Variants in CAPZA2 observed in about 807,000 individuals in gnomAD.
The protein encoded by CAPZA2 is capping actin protein of muscle Z-line subunit alpha 2, also known as F-actin-capping protein subunit alpha-2.
CAPZA2 carries 13 observed loss-of-function variants against 44.0 expected under a neutral mutation model. The ratio of observed to expected loss-of-function variants is 0.30; its 90% CI spans 0.19 to 0.47. The LOEUF (loss-of-function observed/expected upper bound fraction) is 0.47. Ranked by LOEUF, CAPZA2 falls within the 20% of genes least tolerant of loss-of-function variation. The probability of loss-of-function intolerance (pLI) is 1.00; values close to 1 mark genes in which losing one functional copy is unlikely to be tolerated. For missense variants in CAPZA2, 244 were observed against 338.6 expected (o/e 0.72, Z 2.19); for synonymous variants, 94 against 108.2 (o/e 0.87, Z 0.81).
chr7:116,876,291 A>AC (rs1796621206), intron 1 of CAPZA2: 1 of 151,054 alleles, frequency 6.6e-6, no homozygotes, highest in Admixed American at 6.6e-5. Context: ...AAGAGGTTTG[A>AC]CTGGCTCCTG....
intron 4 of CAPZA2, among the ~76,000 whole-genome samples, chr7:116,899,656 T>C (rs1417015700): frequency 2.3e-4 from 3 of 12,812 alleles, no homozygotes; most frequent in African/African-American, 1.1e-3. Flanking sequence ...CTGGGAAGAT[T>C]TGGGTTTTTT....
At position 116,921,436 on chromosome 7, in the gene CAPZA2, A is replaced by C. The variant is rs1391003450; in HGVS notation, c.*3569A>C. 1 of 152,032 alleles carries C rather than the reference A, an allele frequency of 6.6e-6. No individual in the cohort carries two copies. The highest frequency in any genetic ancestry group is 2.4e-5 in the African/African-American group (1 of 41,358). The allele number at this position is 152,032 out of a possible 1,614,324, so 9.4% of individuals were successfully genotyped here. A position where few individuals can be genotyped will look rare whatever the true frequency, so the allele number is the denominator to read the frequency against. ...GATGGCTCACGCCTATAATCCCAGC[A>C]CTTTGGGAGGCCACGGCAAGTGGAT... On this transcript the variant is annotated 3_prime_UTR_variant, in exon 10 of 10. Coordinates refer to ENST00000361183, the MANE Select transcript of CAPZA2 (RefSeq NM_006136.3).
intron 3 of CAPZA2, 136 bp from the exon 4 acceptor site, chr7:116,898,636 T>A: frequency 2.1e-6 from 1 of 486,574 alleles, no homozygotes; most frequent in Non-Finnish European, 3.6e-6. Context: ...AGTTCAGTAA[T>A]GGAGAATTAC....
At position 116,862,603 on chromosome 7, in the gene CAPZA2, A is replaced by G. The variant is rs1562954689; in HGVS notation, c.-9A>G. 6.5e-7 allele frequency: 1 copy of G among 1,537,988 alleles called. No individual in the cohort carries two copies. Among genetic ancestry groups the G allele is most frequent in the South Asian group, 1.2e-5 (1 of 83,294 alleles). On this transcript the variant is annotated 5_prime_UTR_variant, in exon 1 of 10. Coordinates refer to ENST00000361183, the MANE Select transcript of CAPZA2 (RefSeq NM_006136.3). ...GCCGCCGCCGCCGCGGTTTGTCGCC[A>G]GAAGGAAGATGGCGGATCTGGAGGA...
chr7:116,892,104 A>G (rs1796853658), intron 2 of CAPZA2, among the ~76,000 whole-genome samples: 2 of 152,146 alleles, frequency 1.3e-5, no homozygotes, highest in Non-Finnish European at 1.5e-5. Context: ...TTACAAATGT[A>G]TTTCCATGTT....
chr7:116,870,679 T>A (rs1013084438), intron 1 of CAPZA2, among the ~76,000 whole-genome samples: 1 of 152,162 alleles, frequency 6.6e-6, no homozygotes, highest in Non-Finnish European at 1.5e-5. Flanking sequence ...CTAGATAGAT[T>A]AGAGCTGGTA....
chr7:116,903,927 A>T (rs1465951288), intron 4 of CAPZA2, among the ~76,000 whole-genome samples: 1 of 151,916 alleles, frequency 6.6e-6, no homozygotes, highest in African/African-American at 2.4e-5. Flanking sequence ...TAGAGGTTGC[A>T]TTTTTTTTCA....
intron 1 of CAPZA2, chr7:116,880,034 C>G (rs1329427643): frequency 2.2e-6 from 1 of 460,568 alleles, no homozygotes; most frequent in Admixed American, 2.5e-5. Flanking sequence ...TAGGCAGTTT[C>G]TCCCGCTCTG....
chr7:116,916,701 A>G lies in CAPZA2; in HGVS notation c.720+579A>G, dbSNP rs1327414404. On this transcript the variant is annotated intron_variant, in intron 9 of 9. Coordinates refer to ENST00000361183, the MANE Select transcript of CAPZA2 (RefSeq NM_006136.3). ...AGTATCTCTGATCTGAGTTGCTTGG[A>G]ACCAGAAGTGTTTTAGATTTCAGAT... Among the ~76,000 whole-genome samples, 3 of 152,068 alleles carry G rather than the reference A, an allele frequency of 2.0e-5. No homozygotes were observed. In the East Asian group the frequency reaches 5.8e-4, roughly 29 times the overall value.
At chr7:116,867,215 T>C (rs2115864274) in intron 1 of CAPZA2, among the ~76,000 whole-genome samples, 1 of 152,366 alleles carries the variant, frequency 6.6e-6, no homozygotes, top group African/African-American at 2.4e-5. Context: ...ACAAACAGAA[T>C]GCAACTTGAT....
intron 1 of CAPZA2, among the ~76,000 whole-genome samples, chr7:116,883,691 G>A (rs1254276531): frequency 6.6e-6 from 1 of 152,078 alleles, no homozygotes; most frequent in Admixed American, 6.6e-5. Context: ...AACAGCAAGG[G>A]CAAATAAGTT....
intron 2 of CAPZA2, among the ~76,000 whole-genome samples, chr7:116,890,186 T>C (rs1426231263): frequency 2.0e-5 from 3 of 152,164 alleles, no homozygotes; most frequent in Non-Finnish European, 4.4e-5. Context: ...AAAGAATGTA[T>C]GCATCCTAGA....
At chr7:116,879,043 T>C (rs934437754) in intron 1 of CAPZA2, among the ~76,000 whole-genome samples, 1 of 147,438 alleles carries the variant, frequency 6.8e-6, no homozygotes, top group Non-Finnish European at 1.5e-5. Flanking sequence ...GGAGAATCAC[T>C]TGAACCCAGG....
chr7:116,888,462 G>T (rs1009762780), intron 2 of CAPZA2: 9 of 292,934 alleles, frequency 3.1e-5, no homozygotes, highest in African/African-American at 1.1e-4. Flanking sequence ...TGGGAAAGGA[G>T]AGTCTTTTTG....
At chr7:116,870,969 A>T (rs1379635090) in intron 1 of CAPZA2, among the ~76,000 whole-genome samples, 1 of 152,190 alleles carries the variant, frequency 6.6e-6, no homozygotes. Context: ...ACGGAGTTTG[A>T]GATGCTAGTC....
chr7:116,875,693 C>T (rs577596642), intron 1 of CAPZA2, among the ~76,000 whole-genome samples: 92 of 151,518 alleles, frequency 6.1e-4, no homozygotes, highest in Non-Finnish European at 1.2e-3. Flanking sequence ...ACCACAGGTG[C>T]TCACCATCAT....
At position 116,920,029 on chromosome 7, in the gene CAPZA2, G is replaced by A. The variant is rs1791745305; in HGVS notation, c.*2162G>A. 1 of 151,766 alleles carries A rather than the reference G, an allele frequency of 6.6e-6. No homozygotes were observed. Among genetic ancestry groups the A allele is most frequent in the Non-Finnish European group, 1.5e-5 (1 of 67,984 alleles). 9.4% of individuals were successfully genotyped at this position (151,766 alleles called of 1,614,324 possible). A position where few individuals can be genotyped will look rare whatever the true frequency, so the allele number is the denominator to read the frequency against. ...GGAGGCCGAGGCGGGTGGATCACGA[G>A]GTCAGGAGTTCGAGACCAGCCTGAC... On this transcript the variant is annotated 3_prime_UTR_variant, in exon 10 of 10. Coordinates refer to ENST00000361183, the MANE Select transcript of CAPZA2 (RefSeq NM_006136.3).
intron 1 of CAPZA2, among the ~76,000 whole-genome samples, chr7:116,865,418 T>C (rs1042440684): frequency 2.0e-5 from 3 of 152,078 alleles, no homozygotes; most frequent in African/African-American, 7.2e-5. Context: ...ACTCCTGACC[T>C]CAGGTGATCC....
chr7:116,919,826 C>G lies in CAPZA2; in HGVS notation c.*1959C>G, dbSNP rs901507683. The G allele has an allele frequency of 5.3e-5, 8 of 151,632 alleles. No individual in the cohort carries two copies. Among genetic ancestry groups the G allele is most frequent in the African/African-American group, 1.9e-4 (8 of 41,336 alleles). 9.4% of individuals were successfully genotyped at this position (151,632 alleles called of 1,614,324 possible). A position where few individuals can be genotyped will look rare whatever the true frequency, so the allele number is the denominator to read the frequency against. ...CTCGCAGTGAGCCGAGATCGCGCCACTGCACTCCAGCCTGGGTGACAGAGC... is the reference window on the plus strand; with the variant it reads ...CTCGCAGTGAGCCGAGATCGCGCCAGTGCACTCCAGCCTGGGTGACAGAGC... On this transcript the variant is annotated 3_prime_UTR_variant, in exon 10 of 10. Transcript: ENST00000361183.
Sources: allele counts gnomAD v4.1 joint callset (sites outside exome capture counted in the v4.1 genomes callset), GRCh38; gene constraint gnomAD v4.1.1; transcripts MANE v1.5; gene names NCBI Gene and HGNC (gene_info 2026-07-23, HGNC 2026-07-21).